DGKH: variants seen among roughly 807,000 people sequenced by gnomAD.
DGKH encodes DAG kinase eta.
A neutral mutation model predicts 159.3 loss-of-function variants in DGKH; 90 were observed. The observed-to-expected ratio is 0.57, with a 90% CI of 0.48 to 0.67. The LOEUF (loss-of-function observed/expected upper bound fraction) is 0.67, where lower values mean the gene tolerates loss of function less well. DGKH is among the 30% of genes least tolerant of loss of function. The probability of loss-of-function intolerance (pLI) is 0.00; values close to 1 mark genes in which losing one functional copy is unlikely to be tolerated. For missense variants in DGKH, 1,181 were observed against 1,506.1 expected (o/e 0.78, Z 3.57); for synonymous variants, 536 against 553.8 (o/e 0.97, Z 0.45).
intron 1 of DGKH, among the ~76,000 whole-genome samples, chr13:42,097,919 A>G (rs1354861083): frequency 1.3e-5 from 2 of 152,064 alleles, no homozygotes; most frequent in Non-Finnish European, 2.9e-5. Flanking sequence ...ACATTTGAGG[A>G]TTGTTTGTTC....
chr13:42,246,281 C>T (rs928551896), downstream of DGKH, among the ~76,000 whole-genome samples: 6 of 152,022 alleles, frequency 3.9e-5, no homozygotes, highest in African/African-American at 1.2e-4. Context: ...TGATACCAGC[C>T]GCAAGAATGA....
At chr13:42,110,924 A>C (rs1048024113) in intron 1 of DGKH, among the ~76,000 whole-genome samples, 5 of 152,362 alleles carry the variant, frequency 3.3e-5, no homozygotes, top group South Asian at 2.1e-4. Flanking sequence ...GAGGAAGAGC[A>C]TTAGGAAAAA....
At chr13:42,064,735 G>A (rs1593973799) in intron 1 of DGKH, among the ~76,000 whole-genome samples, 1 of 152,164 alleles carries the variant, frequency 6.6e-6, no homozygotes, top group Non-Finnish European at 1.5e-5. Flanking sequence ...ATGCATTAGA[G>A]ATGCGTTAAT....
chr13:42,204,626 A>G (rs1010330750), intron 20 of DGKH, among the ~76,000 whole-genome samples: 1 of 152,190 alleles, frequency 6.6e-6, no homozygotes, highest in Non-Finnish European at 1.5e-5. Flanking sequence ...TCTCCTATGC[A>G]TCCTCACTAA....
intron 17 of DGKH, among the ~76,000 whole-genome samples, chr13:42,196,110 A>G (rs1957198051): frequency 6.6e-6 from 1 of 152,226 alleles, no homozygotes; most frequent in South Asian, 2.1e-4. Context: ...GTGCCCCTTT[A>G]TGCCACTAGG....
At chr13:42,220,576 A>T (rs767462951) in intron 28 of DGKH, among the ~76,000 whole-genome samples, 14 of 152,254 alleles carry the variant, frequency 9.2e-5, no homozygotes, top group Non-Finnish European at 7.3e-5. Context: ...AGCTAATGAA[A>T]GCCATTTAAA....
chr13:42,212,693 A>T (rs1311361012), intron 24 of DGKH, among the ~76,000 whole-genome samples: 8 of 152,222 alleles, frequency 5.3e-5, no homozygotes, highest in Non-Finnish European at 4.4e-5. Context: ...CTATGCAAAC[A>T]TATTCAATTT....
chr13:42,254,665 C>G (rs1345418096), intron 30 of DGKH, among the ~76,000 whole-genome samples: 1 of 151,780 alleles, frequency 6.6e-6, no homozygotes, highest in Non-Finnish European at 1.5e-5. Context: ...TATAGTTATA[C>G]CTTCCTTGTG....
upstream of DGKH, among the ~76,000 whole-genome samples, chr13:42,047,444 C>T (rs1334814667): frequency 6.6e-6 from 1 of 152,204 alleles, no homozygotes; most frequent in East Asian, 1.9e-4. Context: ...ATGCTTTCTC[C>T]AGGTGGAGAG....
intron 1 of DGKH, among the ~76,000 whole-genome samples, chr13:42,060,217 T>A (rs1189802561): frequency 1.3e-5 from 2 of 152,220 alleles, no homozygotes; most frequent in African/African-American, 4.8e-5. Context: ...AGTTCTCTTA[T>A]CTTTCTTACT....
At chr13:42,098,781 A>G (rs1225528007) in intron 1 of DGKH, among the ~76,000 whole-genome samples, 1 of 152,220 alleles carries the variant, frequency 6.6e-6, no homozygotes, top group African/African-American at 2.4e-5. Flanking sequence ...GTTTGAGTGC[A>G]TCTTTGTGCT....
chr13:42,185,769 T>C (rs1956904306), intron 13 of DGKH, among the ~76,000 whole-genome samples: 2 of 152,146 alleles, frequency 1.3e-5, no homozygotes, highest in South Asian at 2.1e-4. Flanking sequence ...AAACTTGACA[T>C]GAAGTACATG....
Position 42,209,388 on chromosome 13 carries a change from G to GTT in DGKH, c.2773_2774insTT (p.Gly925ValfsTer23). On this transcript the variant is annotated frameshift_variant, in exon 23 of 30. Transcript: ENST00000337343. LOFTEE classifies it high-confidence loss of function. ...CGAAGGAGTCCCAGTGCAAGTGGAT[G>GTT]GTGAAGCGTGGGTTCAGCCTCCAGG... is the stretch of plus-strand genomic sequence containing the variant. 6.2e-7 allele frequency: 1 copy of GTT among 1,613,776 alleles called. No homozygotes were observed.
intron 1 of DGKH, among the ~76,000 whole-genome samples, chr13:42,065,879 T>A (rs1593975818): frequency 6.6e-6 from 1 of 152,176 alleles, no homozygotes; most frequent in Admixed American, 6.5e-5. Flanking sequence ...AATGTGATCA[T>A]ATGATATATA....
At chr13:42,195,050 A>G in intron 17 of DGKH, 34 bp downstream of exon 17, 6 of 1,602,518 alleles carry the variant, frequency 3.7e-6, no homozygotes, top group Non-Finnish European at 4.3e-6. Flanking sequence ...TGTATTTTTC[A>G]GTATTTCTGT....
intron 6 of DGKH, 40 bp downstream of exon 6, chr13:42,159,412 C>G (rs781155225): frequency 7.4e-7 from 1 of 1,348,976 alleles, no homozygotes. Flanking sequence ...CCCACTAACT[C>G]CTCTTTTATG....
intron 13 of DGKH, among the ~76,000 whole-genome samples, chr13:42,184,975 A>C (rs1770198223): frequency 6.6e-6 from 1 of 151,662 alleles, no homozygotes; most frequent in African/African-American, 2.4e-5. Context: ...TTCTACTTTC[A>C]TTTATTTGAC....
At chr13:42,211,038 C>G (rs1957645293) in intron 24 of DGKH, among the ~76,000 whole-genome samples, 1 of 152,054 alleles carries the variant, frequency 6.6e-6, no homozygotes, top group Non-Finnish European at 1.5e-5. Flanking sequence ...AGAGAAGAGT[C>G]AGGAGCAAAA....
Position 42,231,497 on chromosome 13 carries a change from C to T in DGKH, c.*2309C>T, listed in dbSNP as rs990169186. The stretch of plus-strand genomic sequence containing the variant: ...CTCCTGTGAACACTTTCCTGTGCAA[C>T]CAAACAGGAGGTGCCAGGTTCCCAG... On this transcript the variant is annotated 3_prime_UTR_variant, in exon 30 of 30. Coordinates refer to ENST00000337343, the MANE Select transcript of DGKH (RefSeq NM_178009.5). 6 of 152,120 alleles carry T rather than the reference C, an allele frequency of 3.9e-5. No homozygotes were observed. The highest frequency in any genetic ancestry group is 7.3e-5 in the Non-Finnish European group (5 of 68,032). The allele number at this position is 152,120 out of a possible 1,614,324, so 9.4% of individuals were successfully genotyped here. A position where few individuals can be genotyped will look rare whatever the true frequency, so the allele number is the denominator to read the frequency against.
Sources: allele counts gnomAD v4.1 joint callset (sites outside exome capture counted in the v4.1 genomes callset), GRCh38; gene constraint gnomAD v4.1.1; transcripts MANE v1.5; gene names NCBI Gene and HGNC (gene_info 2026-07-23, HGNC 2026-07-21).